HPSE2: variants seen among roughly 807,000 people sequenced by gnomAD.
HPSE2 encodes heparanase 2 (inactive).
A neutral mutation model predicts 60.5 loss-of-function variants in HPSE2; 38 were observed. The observed-to-expected ratio is 0.63, with a 90% CI of 0.48 to 0.82. The LOEUF is 0.82. Ranked by LOEUF, HPSE2 falls within the 40% of genes least tolerant of loss-of-function variation. HPSE2 has a pLI of 0.00. For synonymous variants in HPSE2, 295 were observed against 293.2 expected, an observed-to-expected ratio of 1.01 and a Z score of -0.06; for missense variants, 713 against 740.4, an observed-to-expected ratio of 0.96 and a Z score of 0.43.
chr10:99,106,323 A>G (rs367928342), intron 3 of HPSE2, among the ~76,000 whole-genome samples: 1 of 152,084 alleles, frequency 6.6e-6, no homozygotes, highest in Admixed American at 6.5e-5. Flanking sequence ...TACTTTTGTT[A>G]AATTGTTGGT....
chr10:98,622,078 T>G (rs941969941), intron 7 of HPSE2, among the ~76,000 whole-genome samples: 3 of 152,240 alleles, frequency 2.0e-5, no homozygotes, highest in African/African-American at 7.2e-5. Context: ...TATGTCACTG[T>G]AGCAGATGTC....
At chr10:98,509,207 G>A (rs1246760606) in intron 9 of HPSE2, among the ~76,000 whole-genome samples, 1 of 151,976 alleles carries the variant, frequency 6.6e-6, no homozygotes, top group African/African-American at 2.4e-5. Context: ...CCAGACACTT[G>A]GGAGGCTGAG....
intron 5 of HPSE2, among the ~76,000 whole-genome samples, chr10:98,709,734 C>G (rs145245975): frequency 6.6e-6 from 1 of 152,186 alleles, no homozygotes; most frequent in Admixed American, 6.5e-5. Flanking sequence ...TGTTATCCAC[C>G]TGCACATATG....
At chr10:98,636,351 T>C (rs565623739) in intron 7 of HPSE2, among the ~76,000 whole-genome samples, 28 of 152,194 alleles carry the variant, frequency 1.8e-4, no homozygotes, top group African/African-American at 6.0e-4. Context: ...GTGATTCTCC[T>C]GCCTCAGCCA....
At chr10:98,629,018 CTG>C (rs1487542107) in intron 7 of HPSE2, among the ~76,000 whole-genome samples, 1 of 152,158 alleles carries the variant, frequency 6.6e-6, no homozygotes, top group Non-Finnish European at 1.5e-5. Flanking sequence ...GCCTCTAAAA[CTG>C]TGATCTAAGT....
intron 3 of HPSE2, among the ~76,000 whole-genome samples, chr10:98,762,934 A>G (rs551788196): frequency 6.6e-6 from 1 of 152,310 alleles, no homozygotes; most frequent in African/African-American, 2.4e-5. Context: ...AGCAGCCAGT[A>G]TAGCCATCAC....
intron 3 of HPSE2, among the ~76,000 whole-genome samples, chr10:98,938,290 C>T (rs1374369192): frequency 2.8e-5 from 4 of 144,034 alleles, no homozygotes; most frequent in South Asian, 4.2e-4. Context: ...CAAACTACTC[C>T]GAGCTACAGG....
intron 3 of HPSE2, among the ~76,000 whole-genome samples, chr10:99,089,890 C>T (rs1263305036): frequency 6.6e-6 from 1 of 152,034 alleles, no homozygotes; most frequent in South Asian, 2.1e-4. Context: ...GTTCTTTCAC[C>T]TCCTTGGTTA....
At chr10:99,145,455 TAA>T (rs535573877) in intron 2 of HPSE2, among the ~76,000 whole-genome samples, 8 of 143,140 alleles carry the variant, frequency 5.6e-5, no homozygotes, top group African/African-American at 2.6e-5. Flanking sequence ...GACTCTGTCT[TAA>T]AAAAAAAAAA....
At position 99,216,931 on chromosome 10, in the gene HPSE2, A is replaced by T. The variant is rs1849149513; in HGVS notation, c.448+15417T>A. On this transcript the variant is annotated intron_variant, in intron 2 of 11. Coordinates refer to ENST00000370552, the MANE Select transcript of HPSE2 (RefSeq NM_021828.5). ...TTTCCTAACAGATTAAAACACCTCA[A>T]CAAGTAAAGTTTTACTAGTTTCACC... 2.6e-5 allele frequency among the ~76,000 whole-genome samples: 4 copies of T among 152,296 alleles called. No homozygotes were observed. In the South Asian group the frequency reaches 8.3e-4, roughly 32 times the overall value.
intron 3 of HPSE2, among the ~76,000 whole-genome samples, chr10:98,978,587 A>G (rs1474643120): frequency 6.6e-6 from 1 of 152,166 alleles, no homozygotes; most frequent in African/African-American, 2.4e-5. Flanking sequence ...CAGCTTCTAT[A>G]TGGCTAATAG....
At chr10:99,123,759 G>A (rs978279716) in intron 3 of HPSE2, among the ~76,000 whole-genome samples, 3 of 152,170 alleles carry the variant, frequency 2.0e-5, no homozygotes, top group African/African-American at 7.2e-5. Context: ...ACAGCTGTCA[G>A]TGGCAAGGAG....
intron 2 of HPSE2, among the ~76,000 whole-genome samples, chr10:99,173,681 A>G (rs1007462833): frequency 6.6e-6 from 1 of 152,116 alleles, no homozygotes; most frequent in African/African-American, 2.4e-5. Context: ...CGGTGGCTCA[A>G]GCCTGTAATC....
chr10:99,248,533 T>A, the HPSE2 span, among the ~76,000 whole-genome samples: 6 of 152,206 alleles, frequency 3.9e-5, no homozygotes, highest in African/African-American at 1.4e-4. Flanking sequence ...CTGGAACTTA[T>A]ATTTAAAAGG....
At chr10:99,088,260 T>C (rs977752362) in intron 3 of HPSE2, among the ~76,000 whole-genome samples, 1 of 152,150 alleles carries the variant, frequency 6.6e-6, no homozygotes, top group African/African-American at 2.4e-5. Context: ...TTTGGCTACA[T>C]GAATAAGTTC....
At chr10:98,977,207 G>A (rs894198964) in intron 3 of HPSE2, among the ~76,000 whole-genome samples, 34 of 152,156 alleles carry the variant, frequency 2.2e-4, no homozygotes, top group Admixed American at 5.2e-4. Flanking sequence ...GAAGGTCCTT[G>A]TACAGGAACT....
At chr10:99,249,198 C>A in the HPSE2 span, among the ~76,000 whole-genome samples, 75,057 of 152,012 alleles carry the variant, frequency 0.49, 21,714 homozygotes, top group Non-Finnish European at 0.64. Context: ...ACAGCTTGTA[C>A]AGTGTGCCTG....
chr10:99,250,226 C>T, the HPSE2 span, among the ~76,000 whole-genome samples: 1 of 152,108 alleles, frequency 6.6e-6, no homozygotes, highest in Non-Finnish European at 1.5e-5. Flanking sequence ...GCCTGCTTCC[C>T]CTTCTGCCAT....
chr10:99,096,359 C>T (rs1564802923), intron 3 of HPSE2, among the ~76,000 whole-genome samples: 1 of 152,146 alleles, frequency 6.6e-6, no homozygotes, highest in Non-Finnish European at 1.5e-5. Flanking sequence ...ATACCATGTA[C>T]TGGGCACTTA....
Sources: allele counts gnomAD v4.1 joint callset (sites outside exome capture counted in the v4.1 genomes callset), GRCh38; gene constraint gnomAD v4.1.1; transcripts MANE v1.5; gene names NCBI Gene and HGNC (gene_info 2026-07-23, HGNC 2026-07-21).